Variants in MARCHF1 observed in about 807,000 individuals in gnomAD.
MARCHF1 encodes the protein membrane associated ring-CH-type finger 1, also known as E3 ubiquitin-protein ligase MARCHF1.
MARCHF1 carries 40 observed loss-of-function variants against 54.2 expected under a neutral mutation model. The ratio of observed to expected loss-of-function variants is 0.74; its 90% CI spans 0.57 to 0.96. The LOEUF (loss-of-function observed/expected upper bound fraction) is 0.96. Ranked by LOEUF, MARCHF1 falls within the 40% of genes least tolerant of loss-of-function variation. The pLI is 0.00. For synonymous variants in MARCHF1, 236 were observed against 236.3 expected, an observed-to-expected ratio of 1.00 and a Z score of 0.01; for missense variants, 586 against 656.5, an observed-to-expected ratio of 0.89 and a Z score of 1.17.
intron 2 of MARCHF1, among the ~76,000 whole-genome samples, chr4:164,004,114 A>G (rs1396748994): frequency 4.6e-5 from 7 of 152,054 alleles, no homozygotes; most frequent in African/African-American, 1.7e-4. Flanking sequence ...GAAGGGGAAC[A>G]ACACACACTG....
intron 1 of MARCHF1, among the ~76,000 whole-genome samples, chr4:164,165,320 T>A (rs1035531132): frequency 6.6e-6 from 1 of 151,794 alleles, no homozygotes; most frequent in African/African-American, 2.4e-5. Context: ...TTGATAAAAA[T>A]TAATGTTTTT....
intron 4 of MARCHF1, among the ~76,000 whole-genome samples, chr4:163,808,655 A>G: frequency 6.6e-6 from 1 of 151,758 alleles, no homozygotes; most frequent in East Asian, 1.9e-4. Context: ...TGCAACCTCC[A>G]CCTCCTGGGT....
At chr4:164,197,367 G>T (rs1166869723) in intron 1 of MARCHF1, 4 of 1,613,050 alleles carry the variant, frequency 2.5e-6, no homozygotes, top group African/African-American at 1.3e-5. Flanking sequence ...AATTGAAAAG[G>T]TCTAAGCTCT....
intron 4 of MARCHF1, among the ~76,000 whole-genome samples, chr4:163,815,079 A>G (rs563010837): frequency 6.6e-6 from 1 of 152,322 alleles, no homozygotes; most frequent in East Asian, 1.9e-4. Context: ...TAATGGCAAC[A>G]TTACTATAAC....
chr4:164,115,009 AT>A (rs1248013874), intron 1 of MARCHF1, among the ~76,000 whole-genome samples: 1 of 152,014 alleles, frequency 6.6e-6, no homozygotes, highest in Non-Finnish European at 1.5e-5. Context: ...AGGTGGACGT[AT>A]TTTTAAATAT....
At chr4:164,199,604 C>G (rs1049530562) in intron 1 of MARCHF1, among the ~76,000 whole-genome samples, 1 of 148,990 alleles carries the variant, frequency 6.7e-6, no homozygotes, top group Non-Finnish European at 1.5e-5. Flanking sequence ...CCACTACACT[C>G]CAGCCTGGGT....
At chr4:164,113,132 T>C (rs528146375) in intron 1 of MARCHF1, among the ~76,000 whole-genome samples, 1 of 152,016 alleles carries the variant, frequency 6.6e-6, no homozygotes, top group Admixed American at 6.6e-5. Context: ...TCTATTTCAA[T>C]GGACTTTATT....
At chr4:163,838,304 G>A (rs1346973006) in intron 4 of MARCHF1, among the ~76,000 whole-genome samples, 1 of 152,008 alleles carries the variant, frequency 6.6e-6, no homozygotes, top group Non-Finnish European at 1.5e-5. Context: ...ATTAATTATA[G>A]TTCCTAATAC....
intron 1 of MARCHF1, among the ~76,000 whole-genome samples, chr4:164,305,896 T>C (rs575256159): frequency 1.3e-5 from 2 of 152,262 alleles, no homozygotes; most frequent in East Asian, 3.9e-4. Context: ...AATTATTATA[T>C]GTCAACTAAA....
At chr4:163,908,918 G>A (rs546165381) in intron 3 of MARCHF1, among the ~76,000 whole-genome samples, 10 of 152,036 alleles carry the variant, frequency 6.6e-5, no homozygotes, top group South Asian at 2.1e-4. Flanking sequence ...TGTCACAATC[G>A]TATCTACTGG....
intron 1 of MARCHF1, among the ~76,000 whole-genome samples, chr4:164,356,024 A>C (rs1026197135): frequency 7.4e-6 from 1 of 134,732 alleles, no homozygotes; most frequent in Non-Finnish European, 1.7e-5. Flanking sequence ...AATGCTCACC[A>C]TCACTGGCCA....
intron 2 of MARCHF1, among the ~76,000 whole-genome samples, chr4:164,010,169 C>T (rs185516947): frequency 8.1e-4 from 120 of 149,042 alleles, no homozygotes; most frequent in African/African-American, 2.4e-3. Context: ...CAGGTTCAAG[C>T]GATTCTCCTG....
intron 3 of MARCHF1, among the ~76,000 whole-genome samples, chr4:163,944,436 G>T (rs1480690349): frequency 6.6e-6 from 1 of 152,148 alleles, no homozygotes; most frequent in Non-Finnish European, 1.5e-5. Context: ...CACAACCAGT[G>T]ACCAAGTGAG....
rs752877741 is a variant in MARCHF1, at chr4:163,565,747, T to C, written c.1191+20002A>G. 4.1e-4 allele frequency among the ~76,000 whole-genome samples: 63 copies of C among 152,176 alleles called. 1 individual carries two copies. Among genetic ancestry groups the C allele is most frequent in the Non-Finnish European group, 1.0e-4 (7 of 68,030 alleles). Reference sequence around the variant, plus strand: ...TTCTTGCATATTCTCTGAAAGTCGATCCTGCTAAGAAAAATCTTACCCCGA... The same window carrying C: ...TTCTTGCATATTCTCTGAAAGTCGACCCTGCTAAGAAAAATCTTACCCCGA... On this transcript the variant is annotated intron_variant, in intron 8 of 9. Transcript: ENST00000514618.
At chr4:163,543,830 G>A (rs1738803894) in intron 9 of MARCHF1, among the ~76,000 whole-genome samples, 1 of 152,124 alleles carries the variant, frequency 6.6e-6, no homozygotes, top group Non-Finnish European at 1.5e-5. Context: ...TTACATCTAC[G>A]AGAAGGGCTC....
At chr4:163,894,286 A>C (rs765302377) in intron 3 of MARCHF1, among the ~76,000 whole-genome samples, 19 of 152,056 alleles carry the variant, frequency 1.2e-4, no homozygotes, top group Admixed American at 9.8e-4. Context: ...TTTGCACTTT[A>C]TATTGCAGTG....
At chr4:163,855,227 T>C (rs1267723844) in intron 3 of MARCHF1, among the ~76,000 whole-genome samples, 1 of 152,138 alleles carries the variant, frequency 6.6e-6, no homozygotes, top group Non-Finnish European at 1.5e-5. Context: ...AAAAGATCTT[T>C]TATTAAAAAT....
chr4:164,175,483 T>A (rs927035684), intron 1 of MARCHF1, among the ~76,000 whole-genome samples: 8 of 152,210 alleles, frequency 5.3e-5, no homozygotes, highest in African/African-American at 1.9e-4. Flanking sequence ...ATTATGATAG[T>A]TAATTCTATG....
At chr4:164,052,144 T>G (rs1314237543) in intron 2 of MARCHF1, among the ~76,000 whole-genome samples, 1 of 55,272 alleles carries the variant, frequency 1.8e-5, no homozygotes, top group Non-Finnish European at 5.7e-5. Flanking sequence ...AGTTTTTTTT[T>G]TTGTTTTTTT....
Sources: gnomAD v4.1 joint callset for allele counts (sites outside exome capture counted in the v4.1 genomes callset) on GRCh38, gnomAD v4.1.1 for gene constraint, MANE v1.5 for transcripts, NCBI Gene and HGNC (gene_info 2026-07-23, HGNC 2026-07-21) for gene names.